Variants in PRKAG2 observed in about 807,000 individuals in gnomAD.
PRKAG2 encodes the protein 5'-AMP-activated protein kinase subunit gamma-2.
Under a neutral mutation model 69.6 loss-of-function variants are expected in PRKAG2, and 26 were observed. The ratio of observed to expected loss-of-function variants is 0.37; its 90% CI spans 0.27 to 0.52. The LOEUF (loss-of-function observed/expected upper bound fraction) is 0.52. Among genes scored for constraint, PRKAG2 ranks in the 20% least tolerant of loss-of-function variants. The pLI, the probability that PRKAG2 is intolerant of heterozygous loss-of-function variation, is 0.90. For synonymous variants in PRKAG2, 293 were observed against 285.0 expected, an observed-to-expected ratio of 1.03 and a Z score of -0.28; for missense variants, 557 against 740.0, an observed-to-expected ratio of 0.75 and a Z score of 2.87.
chr7:151,722,287 T>C (rs1370176250), intron 3 of PRKAG2, among the ~76,000 whole-genome samples: 1 of 152,180 alleles, frequency 6.6e-6, no homozygotes, highest in African/African-American at 2.4e-5. Context: ...CCTGACGAGC[T>C]ATGTTCAGGG....
intron 3 of PRKAG2, among the ~76,000 whole-genome samples, chr7:151,720,362 A>G (rs1796854415): frequency 1.3e-5 from 2 of 151,904 alleles, no homozygotes; most frequent in Admixed American, 1.3e-4. Flanking sequence ...AGTCTACCTA[A>G]TACAGCAAGA....
chr7:151,855,189 ACCC>A (rs1563756962), intron 1 of PRKAG2, among the ~76,000 whole-genome samples: 1 of 26,846 alleles, frequency 3.7e-5, no homozygotes, highest in Non-Finnish European at 6.8e-5. Flanking sequence ...CACACACACC[ACCC>A]TCCACACACA....
intron 1 of PRKAG2, among the ~76,000 whole-genome samples, chr7:151,869,599 C>A (rs1364969589): frequency 1.3e-5 from 2 of 152,250 alleles, no homozygotes; most frequent in African/African-American, 4.8e-5. Context: ...GTGAGCTGCT[C>A]TGTGGGTGTC....
At chr7:151,680,206 G>A (rs1486702939) in intron 3 of PRKAG2, among the ~76,000 whole-genome samples, 1 of 152,120 alleles carries the variant, frequency 6.6e-6, no homozygotes, top group South Asian at 2.1e-4. Context: ...CCATTTCTGG[G>A]GCCATAGACT....
chr7:151,811,057 T>C (rs545479410), intron 1 of PRKAG2, among the ~76,000 whole-genome samples: 5 of 152,006 alleles, frequency 3.3e-5, no homozygotes, highest in Non-Finnish European at 7.4e-5. Context: ...ACAGGTGGGA[T>C]TGGAAGAACA....
At chr7:151,867,229 T>C (rs562301839) in intron 1 of PRKAG2, among the ~76,000 whole-genome samples, 8 of 152,286 alleles carry the variant, frequency 5.3e-5, no homozygotes, top group Admixed American at 3.9e-4. Flanking sequence ...TGCGCTGTGC[T>C]TTGAGGGCAG....
At chr7:151,589,201 G>A (rs1333604389) in intron 6 of PRKAG2, among the ~76,000 whole-genome samples, 6 of 152,214 alleles carry the variant, frequency 3.9e-5, no homozygotes, top group African/African-American at 1.2e-4. Context: ...CCTGGGCACC[G>A]AGGCACCTCC....
chr7:151,754,367 C>G (rs2074922700), intron 3 of PRKAG2, among the ~76,000 whole-genome samples: 1 of 152,216 alleles, frequency 6.6e-6, no homozygotes, highest in South Asian at 2.1e-4. Context: ...CATACTTTTC[C>G]TTTCTTTGTG....
At chr7:151,856,156 T>C (rs1022038230) in intron 1 of PRKAG2, among the ~76,000 whole-genome samples, 3 of 152,244 alleles carry the variant, frequency 2.0e-5, no homozygotes, top group African/African-American at 7.2e-5. Flanking sequence ...GGGTATCATT[T>C]AATTCTCATG....
At chr7:151,615,399 G>GAAT (rs766182778) in intron 5 of PRKAG2, among the ~76,000 whole-genome samples, 1 of 152,176 alleles carries the variant, frequency 6.6e-6, no homozygotes, top group Non-Finnish European at 1.5e-5. Context: ...ACCCGGTAAT[G>GAAT]GGATTGCTAG....
chr7:151,797,266 G>A (rs534404402), intron 1 of PRKAG2, among the ~76,000 whole-genome samples: 78 of 111,252 alleles, frequency 7.0e-4, no homozygotes, highest in African/African-American at 2.5e-3. Context: ...GCTCCCCACC[G>A]GGTACACACC....
chr7:151,635,048 C>G (rs1265410490), intron 4 of PRKAG2, among the ~76,000 whole-genome samples: 1 of 150,718 alleles, frequency 6.6e-6, no homozygotes, highest in East Asian at 2.0e-4. Flanking sequence ...CTCCCAGGTT[C>G]AGGCAATTTT....
chr7:151,834,925 C>T lies in PRKAG2; in HGVS notation c.114+41582G>A, dbSNP rs574185838. On this transcript the variant is annotated intron_variant, in intron 1 of 15. Transcript: ENST00000287878. ...CTTTCTGCCAGCTACGGGTGGCTGC[C>T]GGCCATCTTTGGGGTTTCCTGGCTT... Among the ~76,000 whole-genome samples, 4 of 152,292 alleles carry T rather than the reference C, an allele frequency of 2.6e-5. No homozygotes were observed. The South Asian group carries it at 6.2e-4, about 24-fold the overall frequency.
intron 1 of PRKAG2, among the ~76,000 whole-genome samples, chr7:151,822,444 A>G (rs976795947): frequency 2.0e-5 from 3 of 152,212 alleles, no homozygotes; most frequent in African/African-American, 7.2e-5. Flanking sequence ...AAAAGGAGCA[A>G]AAGGCAGATG....
At position 151,874,294 on chromosome 7, in the gene PRKAG2, TATG is replaced by T. The variant is rs1361377535; in HGVS notation, c.114+2210_114+2212del. Among the ~76,000 whole-genome samples the T allele has an allele frequency of 2.0e-5, 2 of 101,736 alleles. 1 individual carries two copies. Among genetic ancestry groups the T allele is most frequent in the East Asian group, 5.0e-4 (2 of 4,036 alleles). 66.7% of individuals were successfully genotyped at this position (101,736 alleles called of 152,430 possible). On this transcript the variant is annotated intron_variant, in intron 1 of 15. Coordinates refer to ENST00000287878, the MANE Select transcript of PRKAG2 (RefSeq NM_016203.4). ...TGTATATGATATATATGTATATGTA[TATG>T]ATGTATATGTATATGTATATGATGT... is the stretch of plus-strand genomic sequence containing the variant.
At chr7:151,700,408 T>C (rs1157940734) in intron 3 of PRKAG2, among the ~76,000 whole-genome samples, 1 of 149,952 alleles carries the variant, frequency 6.7e-6, no homozygotes, top group African/African-American at 2.5e-5. Context: ...GAATCTGCCC[T>C]TTGACAAGAC....
intron 1 of PRKAG2, among the ~76,000 whole-genome samples, chr7:151,851,185 C>T (rs901526491): frequency 2.0e-5 from 3 of 152,114 alleles, no homozygotes; most frequent in East Asian, 1.9e-4. Context: ...CAGAGTTCAG[C>T]GTGGCTCTGA....
chr7:151,782,412 GGAAGGAAGGAAGGAAA>G (rs1275249545), intron 2 of PRKAG2, among the ~76,000 whole-genome samples: 17 of 146,712 alleles, frequency 1.2e-4, no homozygotes, highest in Admixed American at 2.1e-4. Flanking sequence ...AAGGAAGGAA[GGAAGGAAGGAAGGAAA>G]GAAAGAAGGA....
At chr7:151,759,437 C>T (rs2075290037) in intron 3 of PRKAG2, among the ~76,000 whole-genome samples, 2 of 152,204 alleles carry the variant, frequency 1.3e-5, no homozygotes, top group Non-Finnish European at 2.9e-5. Flanking sequence ...CCCACGAGGG[C>T]AGGGATGGGC....
Sources: gnomAD v4.1 joint callset for allele counts (sites outside exome capture counted in the v4.1 genomes callset) on GRCh38, gnomAD v4.1.1 for gene constraint, MANE v1.5 for transcripts, NCBI Gene and HGNC (gene_info 2026-07-23, HGNC 2026-07-21) for gene names.